The following ACACA variants were observed in gnomAD, a reference collection of about 807,000 sequenced individuals.
ACACA encodes acetyl-CoA carboxylase 1.
Under a neutral mutation model 296.1 loss-of-function variants are expected in ACACA, and 103 were observed. That is an observed-to-expected ratio of 0.35 (90% CI 0.30 to 0.41). The LOEUF (loss-of-function observed/expected upper bound fraction) is 0.41, where lower values mean the gene tolerates loss of function less well. Among genes scored for constraint, ACACA ranks in the 10% least tolerant of loss-of-function variants. ACACA has a pLI of 1.00. For missense variants in ACACA, 1,554 were observed against 2,989.7 expected (o/e 0.52, Z 11.20); for synonymous variants, 953 against 1,038.6 (o/e 0.92, Z 1.58).
chr17:37,208,433 T>G (rs2078605824), intron 30 of ACACA, among the ~76,000 whole-genome samples: 2 of 152,232 alleles, frequency 1.3e-5, no homozygotes, highest in South Asian at 4.1e-4. Flanking sequence ...GTAGGCATAG[T>G]TATTGGGGTT....
At position 37,202,694 on chromosome 17, in the gene ACACA, TATATATATATATATATATACACAC is replaced by T. The variant is rs1389010979; in HGVS notation, c.4057-2235_4057-2212del. Among the ~76,000 whole-genome samples the T allele has an allele frequency of 4.0e-3, 75 of 18,808 alleles. 1 individual carries two copies. The highest frequency in any genetic ancestry group is 0.019 in the African/African-American group (69 of 3,620). 12.3% of individuals were successfully genotyped at this position (18,808 alleles called of 152,430 possible). Reference sequence around the variant, plus strand: ...ATATATATATATATATATATATATATATATATATATATATATATACACACACACATATATTTTAACAAGGAGATG... The same window carrying T: ...ATATATATATATATATATATATATATACACATATATTTTAACAAGGAGATG... On this transcript the variant is annotated intron_variant, in intron 33 of 55. Transcript: ENST00000616317.
chr17:37,206,255 A>T (rs2078496138), intron 32 of ACACA, among the ~76,000 whole-genome samples: 1 of 152,226 alleles, frequency 6.6e-6, no homozygotes, highest in Non-Finnish European at 1.5e-5. Flanking sequence ...GTTCCCACAT[A>T]ATATATTTCC....
chr17:37,134,237 A>G (rs771246822), intron 45 of ACACA, among the ~76,000 whole-genome samples: 2 of 152,240 alleles, frequency 1.3e-5, no homozygotes, highest in African/African-American at 2.4e-5. Flanking sequence ...CACAGCTGAC[A>G]GGCAATGAAA....
chr17:37,263,386 TA>T, intron 11 of ACACA, among the ~76,000 whole-genome samples: 1 of 152,168 alleles, frequency 6.6e-6, no homozygotes, highest in East Asian at 1.9e-4. Context: ...ATGAGCCTCT[TA>T]AAAAAATCAA....
intron 5 of ACACA, among the ~76,000 whole-genome samples, chr17:37,280,513 G>C (rs1331025838): frequency 2.0e-5 from 3 of 152,034 alleles, no homozygotes; most frequent in Non-Finnish European, 4.4e-5. Flanking sequence ...GGCCCTCCAT[G>C]CTTTTTATCA....
At chr17:37,224,459 C>T (rs7222524) in intron 27 of ACACA, among the ~76,000 whole-genome samples, 3,114 of 152,062 alleles carry the variant, frequency 0.02, 104 homozygotes, top group African/African-American at 0.071. Flanking sequence ...AAAATAATTG[C>T]GGTGGTCCTT....
rs560729222 is a variant in ACACA, at chr17:37,086,627, C to G, written c.*689G>C. ...TCCCTTTGTCCTCAGAGACTGAACC[C>G]AAGGTTGAGGTCCCCTAAATCAAGA... On this transcript the variant is annotated 3_prime_UTR_variant, in exon 56 of 56. Transcript: ENST00000616317. The G allele has an allele frequency of 6.5e-6, 1 of 153,526 alleles. No individual in the cohort carries two copies. Among genetic ancestry groups the G allele is most frequent in the African/African-American group, 2.4e-5 (1 of 41,586 alleles). 9.5% of individuals were successfully genotyped at this position (153,526 alleles called of 1,614,324 possible).
rs568215321 is a variant in ACACA, at chr17:37,086,918, G to T, written c.*398C>A. Reference sequence around the variant, plus strand: ...CTGCGGCTCATGGGGCCAGGAGTGAGGGGGGCTGCTCACTGCTGGGCAACT... The same window carrying T: ...CTGCGGCTCATGGGGCCAGGAGTGATGGGGGCTGCTCACTGCTGGGCAACT... On this transcript the variant is annotated 3_prime_UTR_variant, in exon 56 of 56. Coordinates refer to ENST00000616317, the MANE Select transcript of ACACA (RefSeq NM_198834.3). 4.9e-5 allele frequency: 15 copies of T among 307,506 alleles called. No homozygotes were observed. The allele number at this position is 307,506 out of a possible 1,614,324, so 19.0% of individuals were successfully genotyped here. A position where few individuals can be genotyped will look rare whatever the true frequency, so the allele number is the denominator to read the frequency against.
intron 27 of ACACA, 121 bp from the exon 28 acceptor site, chr17:37,223,722 T>G (rs2079401954): frequency 1.4e-6 from 1 of 736,686 alleles, no homozygotes; most frequent in Admixed American, 2.0e-5. Flanking sequence ...TGCCATAATC[T>G]CTCTGTGCCT....
chr17:37,316,333 A>ACACCCC (rs987022083), intron 3 of ACACA, among the ~76,000 whole-genome samples: 2 of 149,558 alleles, frequency 1.3e-5, no homozygotes, highest in African/African-American at 5.0e-5. Flanking sequence ...ACACACACAC[A>ACACCCC]CCCCTAACTT....
intron 22 of ACACA, among the ~76,000 whole-genome samples, 187 bp downstream of exon 22, chr17:37,243,184 T>G (rs1466966866): frequency 6.6e-6 from 1 of 152,216 alleles, no homozygotes; most frequent in East Asian, 1.9e-4. Context: ...TACAGATACT[T>G]ATCCTTCACA....
At chr17:37,148,529 A>C (rs2075908991) in intron 45 of ACACA, among the ~76,000 whole-genome samples, 1 of 152,206 alleles carries the variant, frequency 6.6e-6, no homozygotes, top group African/African-American at 2.4e-5. Flanking sequence ...CTTTTTCCTA[A>C]ATGGGAATGA....
At position 37,206,870 on chromosome 17, in the gene ACACA, A is replaced by G; in HGVS notation, c.3861T>C (p.Asp1287=). 1 of 1,613,180 alleles carries G rather than the reference A, an allele frequency of 6.2e-7. No individual in the cohort carries two copies. The highest frequency in any genetic ancestry group is 2.2e-5 in the East Asian group (1 of 44,874). Reference sequence around the variant, plus strand: ...AGTCAGAGAAGCAGCCCATCACTTCATCAAAGATCCTAAAAAATACAAGAG... The same window carrying G: ...AGTCAGAGAAGCAGCCCATCACTTCGTCAAAGATCCTAAAAAATACAAGAG... The part of the protein sequence containing the change: ...RTFEDFVRIF[D]EVMGCFSDSP... Residue 1287 remains aspartate (D), a synonymous_variant, in exon 32 of 56, where the codon GAT becomes GAC. Coordinates refer to ENST00000616317, the MANE Select transcript of ACACA (RefSeq NM_198834.3).
chr17:37,263,991 A>G, intron 10 of ACACA, 97 bp from the exon 11 acceptor site: 2 of 953,312 alleles, frequency 2.1e-6, no homozygotes, highest in South Asian at 2.9e-5. Flanking sequence ...GCAGATGTCC[A>G]GAAGTGTCAG....
intron 3 of ACACA, among the ~76,000 whole-genome samples, chr17:37,324,618 T>C (rs1388099612): frequency 2.6e-4 from 37 of 141,528 alleles, no homozygotes; most frequent in African/African-American, 9.6e-4. Flanking sequence ...TGCAGTGAGC[T>C]GAGATCATGC....
intron 3 of ACACA, chr17:37,299,399 C>T: frequency 6.2e-7 from 1 of 1,612,414 alleles, no homozygotes; most frequent in South Asian, 1.1e-5. Flanking sequence ...AGCCGCAGTT[C>T]CTCCTCCTGT....
intron 3 of ACACA, among the ~76,000 whole-genome samples, chr17:37,325,073 C>T (rs145485091): frequency 6.8e-6 from 1 of 146,954 alleles, no homozygotes; most frequent in African/African-American, 2.5e-5. Context: ...TGGTGGCGCG[C>T]ACCTCTAATC....
intron 3 of ACACA, among the ~76,000 whole-genome samples, chr17:37,310,793 CAAAAAAAAAA>C (rs74268026): frequency 4.0e-5 from 2 of 50,510 alleles, no homozygotes; most frequent in Admixed American, 4.3e-4. Context: ...GACACCATCT[CAAAAAAAAAA>C]AAAAAAAAAA....
At chr17:37,387,208 C>G (rs540406253) in intron 1 of ACACA, 3 of 152,514 alleles carry the variant, frequency 2.0e-5, no homozygotes, top group South Asian at 4.1e-4. Context: ...CAACCTCCCC[C>G]TCCTGGGTTC....
Sources: allele counts gnomAD v4.1 joint callset (sites outside exome capture counted in the v4.1 genomes callset), GRCh38; gene constraint gnomAD v4.1.1; transcripts MANE v1.5; gene names NCBI Gene and HGNC (gene_info 2026-07-23, HGNC 2026-07-21).